Variants in ST3GAL1 observed in about 807,000 individuals in gnomAD.
The protein encoded by ST3GAL1 is ST3 beta-galactoside alpha-2,3-sialyltransferase 1.
Under a neutral mutation model 34.1 loss-of-function variants are expected in ST3GAL1, and 16 were observed. The observed-to-expected ratio is 0.47, with a 90% confidence interval of 0.32 to 0.71. The LOEUF is 0.71. ST3GAL1 is among the 30% of genes least tolerant of loss of function. The pLI, the probability that ST3GAL1 is intolerant of heterozygous loss-of-function variation, is 0.04. For synonymous variants in ST3GAL1, 191 were observed against 184.7 expected (o/e 1.03, Z -0.28); for missense variants, 353 against 447.4 (o/e 0.79, Z 1.90).
At chr8:133,504,640 G>C (rs1387644604) in intron 2 of ST3GAL1, among the ~76,000 whole-genome samples, 1 of 152,088 alleles carries the variant, frequency 6.6e-6, no homozygotes, top group Non-Finnish European at 1.5e-5. Flanking sequence ...CCACAGGAAG[G>C]TACAGGCTCT....
intron 2 of ST3GAL1, among the ~76,000 whole-genome samples, chr8:133,537,243 T>C (rs1316617760): frequency 1.3e-5 from 2 of 152,116 alleles, no homozygotes; most frequent in African/African-American, 2.4e-5. Flanking sequence ...GGAAGGGGCA[T>C]GCTACCCTCC....
At chr8:133,505,383 C>T (rs1347970331) in intron 2 of ST3GAL1, among the ~76,000 whole-genome samples, 1 of 152,068 alleles carries the variant, frequency 6.6e-6, no homozygotes, top group Non-Finnish European at 1.5e-5. Flanking sequence ...GAAGCAAGCC[C>T]GTGGGTCTTG....
rs144791026 is a variant in ST3GAL1, at chr8:133,554,830, G to A, written c.-581-8904C>T. Among the ~76,000 whole-genome samples, 867 of 151,084 alleles carry A rather than the reference G, an allele frequency of 5.7e-3. 6 individuals are homozygous for A. The highest frequency in any genetic ancestry group is 0.031 in the Middle Eastern group (9 of 292). ...CAACCTCCGCCTCCTGGATTCAAGC[G>A]ATTCTCGTGCCTCAGCCTCCTGAGC... On this transcript the variant is annotated intron_variant, in intron 1 of 9. Coordinates refer to ENST00000522652, the MANE Select transcript of ST3GAL1 (RefSeq NM_173344.3).
chr8:133,552,222 A>G (rs1176764137), intron 1 of ST3GAL1, among the ~76,000 whole-genome samples: 1 of 152,200 alleles, frequency 6.6e-6, no homozygotes, highest in Non-Finnish European at 1.5e-5. Context: ...TGAATGTGCA[A>G]GTAGGTGGTT....
intron 2 of ST3GAL1, among the ~76,000 whole-genome samples, chr8:133,505,881 G>T (rs904513701): frequency 7.2e-5 from 11 of 152,072 alleles, no homozygotes; most frequent in African/African-American, 2.4e-4. Context: ...AATTACAGGC[G>T]TGAGCCACTG....
intron 3 of ST3GAL1, among the ~76,000 whole-genome samples, chr8:133,494,553 C>T (rs898543280): frequency 6.6e-6 from 1 of 152,190 alleles, no homozygotes; most frequent in African/African-American, 2.4e-5. Flanking sequence ...CTCTTCCATG[C>T]TATTTTCTGC....
intron 1 of ST3GAL1, among the ~76,000 whole-genome samples, chr8:133,562,841 CCTTT>C (rs1554621251): frequency 1.2e-5 from 1 of 82,496 alleles, no homozygotes; most frequent in Non-Finnish European, 2.4e-5. Flanking sequence ...TTCCTTCCTT[CCTTT>C]CTTTCTTTTT....
At chr8:133,477,797 T>C in intron 3 of ST3GAL1, among the ~76,000 whole-genome samples, 1 of 152,158 alleles carries the variant, frequency 6.6e-6, no homozygotes, top group South Asian at 2.1e-4. Context: ...TGCTGAAGAA[T>C]GGAAGAAATC....
intron 2 of ST3GAL1, among the ~76,000 whole-genome samples, chr8:133,506,959 TAAATAA>T (rs1325760204): frequency 1.3e-5 from 2 of 148,424 alleles, no homozygotes; most frequent in Non-Finnish European, 3.0e-5. Context: ...AAATAAATAA[TAAATAA>T]AAATAAAAAT....
At chr8:133,554,641 A>G (rs980842315) in intron 1 of ST3GAL1, among the ~76,000 whole-genome samples, 5 of 151,930 alleles carry the variant, frequency 3.3e-5, no homozygotes, top group East Asian at 1.9e-4. Context: ...TCTGATTCAG[A>G]TTGGAGAAAC....
rs1261491890 is a variant in ST3GAL1 at position 133,462,023 on chromosome 8, G to C, written c.730-29C>G. The C allele has an allele frequency of 2.5e-6, 4 of 1,613,736 alleles. No homozygotes were observed. The South Asian group carries it at 4.4e-5, about 18-fold the overall frequency. ...CGGGGATGGGAAGACACGGCCCTTA[G>C]TGAGTTCTGGGGGGCAAAGGACATG... On this transcript the variant is annotated intron_variant, in intron 8 of 9. Coordinates refer to ENST00000522652, the MANE Select transcript of ST3GAL1 (RefSeq NM_173344.3).
chr8:133,520,677 A>C (rs542199901), intron 2 of ST3GAL1, among the ~76,000 whole-genome samples: 1 of 152,084 alleles, frequency 6.6e-6, no homozygotes, highest in Non-Finnish European at 1.5e-5. Context: ...CTTTCCTTCT[A>C]CTGCATACGT....
chr8:133,463,597 C>G (rs1481762777), intron 7 of ST3GAL1, 138 bp from the exon 8 acceptor site: 2 of 870,580 alleles, frequency 2.3e-6, no homozygotes, highest in African/African-American at 3.3e-5. Flanking sequence ...CTCAGGGACC[C>G]CCACCTCCCT....
intron 2 of ST3GAL1, among the ~76,000 whole-genome samples, chr8:133,502,757 T>C (rs1290629219): frequency 1.3e-5 from 2 of 152,210 alleles, no homozygotes; most frequent in Non-Finnish European, 2.9e-5. Flanking sequence ...ACTACAACTA[T>C]TAAGTGACAG....
chr8:133,464,842 C>A lies in ST3GAL1; in HGVS notation c.619G>T (p.Val207Leu). 1.2e-6 allele frequency: 2 copies of A among 1,614,044 alleles called. No individual in the cohort carries two copies. The highest frequency in any genetic ancestry group is 1.7e-6 in the Non-Finnish European group (2 of 1,179,954). The change falls in exon 7 of 10, where the codon GTG (valine) becomes TTG (leucine). Residue 207 changes from valine (V) to leucine (L), a missense_variant. Transcript: ENST00000522652. Reference protein sequence around the residue: ...ELGDNVSMILVPFKTIDLEWV... With the variant: ...ELGDNVSMILLPFKTIDLEWV... ...TCCAAGTCGATGGTCTTGAAGGGCA[C>A]CAGGATCATGCTGACATTATCTCCC...
intron 3 of ST3GAL1, among the ~76,000 whole-genome samples, chr8:133,491,271 C>T (rs1351007533): frequency 1.6e-5 from 1 of 63,462 alleles, no homozygotes; most frequent in Admixed American, 1.6e-4. Flanking sequence ...CATTTGGAGT[C>T]CTAGGATAGC....
chr8:133,522,104 G>A (rs1444616485), intron 2 of ST3GAL1, among the ~76,000 whole-genome samples: 2 of 152,142 alleles, frequency 1.3e-5, no homozygotes, highest in African/African-American at 4.8e-5. Flanking sequence ...CCTCCCAGAA[G>A]TCTTTGACGT....
chr8:133,533,591 A>G (rs1276415330), intron 2 of ST3GAL1, among the ~76,000 whole-genome samples: 2 of 152,068 alleles, frequency 1.3e-5, no homozygotes, highest in Non-Finnish European at 2.9e-5. Context: ...TCTGTGCCCC[A>G]TTGGAGGCAG....
intron 3 of ST3GAL1, among the ~76,000 whole-genome samples, chr8:133,494,258 T>C (rs146543210): frequency 1.4e-3 from 213 of 152,332 alleles, no homozygotes; most frequent in African/African-American, 4.8e-3. Flanking sequence ...AAGAGCCTTC[T>C]GATACACTGT....
Sources: gnomAD v4.1 joint callset for allele counts (sites outside exome capture counted in the v4.1 genomes callset) on GRCh38, gnomAD v4.1.1 for gene constraint, MANE v1.5 for transcripts, NCBI Gene and HGNC (gene_info 2026-07-23, HGNC 2026-07-21) for gene names.